Variants in BSPH1 observed in about 807,000 individuals in gnomAD.
BSPH1 encodes the protein binder of sperm 1.
In BSPH1, 21 loss-of-function variants were observed where a neutral mutation model predicts 22.5. The observed-to-expected ratio is 0.93, with a 90% CI of 0.66 to 1.35. The LOEUF (loss-of-function observed/expected upper bound fraction) is 1.35. BSPH1 is among the 40% of genes most tolerant of loss of function. The pLI is 0.00. For synonymous variants in BSPH1, 42 were observed against 53.6 expected (o/e 0.78, Z 0.95); for missense variants, 141 against 154.2 (o/e 0.91, Z 0.45).
chr19:47,973,082 T>A (rs1969325548), intron 5 of BSPH1, among the ~76,000 whole-genome samples: 1 of 151,554 alleles, frequency 6.6e-6, no homozygotes, highest in Admixed American at 6.6e-5. Context: ...CCTGGCGTGG[T>A]GGCGGGCGCC....
intron 1 of BSPH1, 66 bp from the exon 2 acceptor site, chr19:47,981,007 C>T (rs1969415010): frequency 4.5e-6 from 4 of 894,620 alleles, no homozygotes; most frequent in Non-Finnish European, 6.7e-6. Context: ...AAGGATTTCA[C>T]CAATTTCTAT....
rs1251341013 is a variant in BSPH1 at position 47,978,353 on chromosome 19, C to G, written c.125-849G>C. Among the ~76,000 whole-genome samples, 2 of 152,034 alleles carry G rather than the reference C, an allele frequency of 1.3e-5. 1 individual carries two copies. Among genetic ancestry groups the G allele is most frequent in the African/African-American group, 4.8e-5 (2 of 41,386 alleles). ...CTCCTGAGCTCAAGCATCTTCCTGCCTCGGCTTCCAAAAATGCTGGGATTA... is the reference window on the plus strand; with the variant it reads ...CTCCTGAGCTCAAGCATCTTCCTGCGTCGGCTTCCAAAAATGCTGGGATTA... On this transcript the variant is annotated intron_variant, in intron 3 of 5. Coordinates refer to ENST00000344839, the MANE Select transcript of BSPH1 (RefSeq NM_001128326.2).
chr19:47,986,351 T>C (rs1175633068), intron 1 of BSPH1, among the ~76,000 whole-genome samples: 1 of 151,508 alleles, frequency 6.6e-6, no homozygotes, highest in Non-Finnish European at 1.5e-5. Flanking sequence ...TGGGGAGGAG[T>C]TGGGGTCCTT....
intron 1 of BSPH1, among the ~76,000 whole-genome samples, chr19:47,990,785 G>T (rs1011761038): frequency 1.3e-5 from 2 of 151,916 alleles, no homozygotes; most frequent in South Asian, 4.2e-4. Flanking sequence ...TTTCTATTTC[G>T]CTTCATAATT....
chr19:47,979,548 C>G (rs1462253642), intron 3 of BSPH1, 22 bp downstream of exon 3: 2 of 1,196,976 alleles, frequency 1.7e-6, no homozygotes, highest in East Asian at 5.5e-5. Context: ...CATTAATAAT[C>G]AAAGTTTTCT....
At chr19:47,985,764 C>T (rs751063130) in intron 1 of BSPH1, among the ~76,000 whole-genome samples, 3 of 150,464 alleles carry the variant, frequency 2.0e-5, no homozygotes, top group African/African-American at 4.9e-5. Flanking sequence ...GAACCTGGGA[C>T]GTGGAGGTTG....
intron 1 of BSPH1, among the ~76,000 whole-genome samples, chr19:47,983,651 T>C (rs552582054): frequency 6.6e-6 from 1 of 152,276 alleles, no homozygotes; most frequent in East Asian, 1.9e-4. Context: ...TGGTGGATCA[T>C]TTGTTGTGAA....
chr19:47,974,817 G>A (rs1969346771), intron 5 of BSPH1, among the ~76,000 whole-genome samples: 1 of 151,458 alleles, frequency 6.6e-6, no homozygotes, highest in African/African-American at 2.4e-5. Flanking sequence ...CCTGACTGAC[G>A]CATTAACCTC....
In BSPH1 at chr19:47,969,696, A is replaced by G. The variant is rs981105663; in HGVS notation, c.*3-1487T>C. On this transcript the variant is annotated intron_variant, in intron 5 of 5. Coordinates refer to ENST00000344839, the MANE Select transcript of BSPH1 (RefSeq NM_001128326.2). ...GGCAGGGAGAGGGGGAGAGAGAGAG[A>G]GAGAGAGAGAGAGAGAGAGAGAGAG... Among the ~76,000 whole-genome samples the G allele has an allele frequency of 2.8e-5, 4 of 145,272 alleles. 1 individual carries two copies. In the South Asian group the frequency reaches 9.1e-4, roughly 33 times the overall value.
At chr19:47,970,525 G>A (rs939513280) in intron 5 of BSPH1, among the ~76,000 whole-genome samples, 2 of 152,170 alleles carry the variant, frequency 1.3e-5, no homozygotes, top group Admixed American at 6.5e-5. Context: ...TAGTACAAAG[G>A]TTGACTTGAT....
chr19:47,973,463 CAT>C (rs1329467905), intron 5 of BSPH1, among the ~76,000 whole-genome samples: 6 of 151,986 alleles, frequency 3.9e-5, no homozygotes, highest in Non-Finnish European at 7.4e-5. Flanking sequence ...CATGGGGATC[CAT>C]ATGTGTGCAC....
At chr19:47,990,619 T>C (rs1031343323) in intron 1 of BSPH1, among the ~76,000 whole-genome samples, 1 of 145,634 alleles carries the variant, frequency 6.9e-6, no homozygotes, top group Middle Eastern at 3.2e-3. Flanking sequence ...CAAGCAGTGT[T>C]ATTTTTTTTT....
intron 1 of BSPH1, among the ~76,000 whole-genome samples, chr19:47,982,166 A>T (rs1969425720): frequency 6.6e-6 from 1 of 152,216 alleles, no homozygotes; most frequent in African/African-American, 2.4e-5. Flanking sequence ...TACAAATGTC[A>T]TGTTTGGTTA....
intron 5 of BSPH1, 128 bp downstream of exon 5, chr19:47,976,582 G>GAAAAAAAAA: frequency 1.5e-5 from 6 of 413,266 alleles, no homozygotes; most frequent in South Asian, 9.3e-5. Context: ...TCACATCCCA[G>GAAAAAAAAA]AAAAAAAAAA....
intron 3 of BSPH1, among the ~76,000 whole-genome samples, chr19:47,978,001 G>GAGATATATATATAT (rs376259844): frequency 2.7e-5 from 3 of 110,458 alleles, no homozygotes; most frequent in Admixed American, 9.4e-5. Context: ...GTTAATACAG[G>GAGATATATATATAT]ATATATATAT....
In BSPH1 at chr19:47,974,938, A is replaced by C. The variant is rs115007551; in HGVS notation, c.*2+1772T>G. Among the ~76,000 whole-genome samples the C allele has an allele frequency of 3.6e-3, 542 of 152,174 alleles. 2 individuals carry two copies. The highest frequency in any genetic ancestry group is 0.012 in the African/African-American group (509 of 41,524). ...CTACCCCACTATACCCATCCCTCTC[A>C]TTGTCACAAGATTACTTTTCCTACT... is the stretch of plus-strand genomic sequence containing the variant. On this transcript the variant is annotated intron_variant, in intron 5 of 5. Transcript: ENST00000344839.
At chr19:47,968,363 C>CT (rs67184020) in intron 5 of BSPH1, among the ~76,000 whole-genome samples, 154 bp from the exon 6 acceptor site, 1,593 of 140,978 alleles carry the variant, frequency 0.011, 22 homozygotes, top group African/African-American at 0.035. Context: ...TCTCTTTTTT[C>CT]TTTTTTTTTT....
chr19:47,974,504 A>G (rs1969343126), intron 5 of BSPH1, among the ~76,000 whole-genome samples: 1 of 151,808 alleles, frequency 6.6e-6, no homozygotes, highest in Admixed American at 6.6e-5. Flanking sequence ...TCCTTACCTC[A>G]GGTGATCCTC....
At chr19:47,970,752 G>A (rs766631554) in intron 5 of BSPH1, among the ~76,000 whole-genome samples, 2 of 152,134 alleles carry the variant, frequency 1.3e-5, no homozygotes, top group Non-Finnish European at 1.5e-5. Flanking sequence ...TTCATGTGCC[G>A]TGATGTGGCA....
Sources: allele counts gnomAD v4.1 joint callset (sites outside exome capture counted in the v4.1 genomes callset), GRCh38; gene constraint gnomAD v4.1.1; transcripts MANE v1.5; gene names NCBI Gene and HGNC (gene_info 2026-07-23, HGNC 2026-07-21).